The following ABCC10 variants were observed in gnomAD, a reference collection of about 807,000 sequenced individuals.
ABCC10 encodes the protein ATP-binding cassette sub-family C member 10.
A neutral mutation model predicts 143.2 loss-of-function variants in ABCC10; 110 were observed. The ratio of observed to expected loss-of-function variants is 0.77; its 90% confidence interval spans 0.66 to 0.90. The LOEUF is 0.90. ABCC10 is among the 40% of genes least tolerant of loss of function. ABCC10 has a pLI of 0.00. For synonymous variants in ABCC10, 805 were observed against 846.7 expected (o/e 0.95, Z 0.85); for missense variants, 1,700 against 1,900.5 (o/e 0.89, Z 1.96).
intron 3 of ABCC10, among the ~76,000 whole-genome samples, chr6:43,433,888 T>A (rs1339409899): frequency 1.3e-5 from 2 of 152,098 alleles, no homozygotes; most frequent in Admixed American, 6.5e-5. Context: ...ACTCCAGGTG[T>A]TTAGGGTTTG....
At position 43,441,998 on chromosome 6, in the gene ABCC10, G is replaced by T. The variant is rs748921246; in HGVS notation, c.2226+38G>T. 8.8e-6 allele frequency: 14 copies of T among 1,583,156 alleles called. No individual in the cohort carries two copies. The South Asian group carries it at 1.4e-4, about 16-fold the overall frequency. ...TGGAGGTTGCAGTGGCAGGGAGGTG[G>T]GGGGAGTCCAGAGCCTTGGGAACTT... is the stretch of plus-strand genomic sequence containing the variant. On this transcript the variant is annotated intron_variant, in intron 9 of 21. Coordinates refer to ENST00000372530, the MANE Select transcript of ABCC10 (RefSeq NM_001198934.2).
In ABCC10 at chr6:43,443,333, T is replaced by A; in HGVS notation, c.2416+174T>A. The stretch of plus-strand genomic sequence containing the variant: ...GAGAACAGGAGGGAAAAGGAGTACG[T>A]TGGTAAAATGCCAGTGTATTTGGGA... On this transcript the variant is annotated intron_variant, in intron 10 of 21. Coordinates refer to ENST00000372530, the MANE Select transcript of ABCC10 (RefSeq NM_001198934.2). This position sits in a 1 kb window ranked among gnomAD's most constrained non-coding sequence, Gnocchi z 4.2. The A allele has an allele frequency of 1.5e-6, 1 of 659,756 alleles. No homozygotes were observed. The allele number at this position is 659,756 out of a possible 1,614,324, so 40.9% of individuals were successfully genotyped here. A position where few individuals can be genotyped will look rare whatever the true frequency, so the allele number is the denominator to read the frequency against.
At position 43,445,835 on chromosome 6, in the gene ABCC10, A is replaced by T; in HGVS notation, c.3267A>T (p.Ser1089=). The T allele has an allele frequency of 6.2e-7, 1 of 1,614,040 alleles. No homozygotes were observed. Among genetic ancestry groups the T allele is most frequent in the Non-Finnish European group, 8.5e-7 (1 of 1,180,012 alleles). ...YHVQRHYRAS[S]RELRRLGSLT... ...TGCAGCGCCACTACAGGGCCTCCTC[A>T]CGGGAGCTGCGGCGCCTGGGCAGCC... The change falls in exon 15 of 22, where the codon TCA becomes TCT. Residue 1089 remains serine (S), a synonymous_variant. Coordinates refer to ENST00000372530, the MANE Select transcript of ABCC10 (RefSeq NM_001198934.2).
At chr6:43,442,274 G>C (rs1379362631) in intron 9 of ABCC10, among the ~76,000 whole-genome samples, 1 of 152,102 alleles carries the variant, frequency 6.6e-6, no homozygotes, top group Non-Finnish European at 1.5e-5. Flanking sequence ...GCAAAACCCT[G>C]TCTCTACAAA....
In ABCC10 at chr6:43,437,959, A is replaced by G; in HGVS notation, c.1901A>G (p.Lys634Arg). ...KKGMLVGIVGKVGCGKSSLLA... is the reference protein window; with the variant it reads ...KKGMLVGIVGRVGCGKSSLLA... ...GGTATGCTGGTGGGCATCGTGGGGAAGGTCGGCTGTGGGAAGAGCTCCCTG... is the reference window on the plus strand; with the variant it reads ...GGTATGCTGGTGGGCATCGTGGGGAGGGTCGGCTGTGGGAAGAGCTCCCTG... Residue 634 changes from lysine (K) to arginine (R), a missense_variant, in exon 7 of 22, where the codon AAG becomes AGG. Coordinates refer to ENST00000372530, the MANE Select transcript of ABCC10 (RefSeq NM_001198934.2). 1 of 1,613,364 alleles carries G rather than the reference A, an allele frequency of 6.2e-7. No individual in the cohort carries two copies.
intron 6 of ABCC10, among the ~76,000 whole-genome samples, chr6:43,436,890 C>G (rs1781783724): frequency 6.6e-6 from 1 of 152,170 alleles, no homozygotes; most frequent in African/African-American, 2.4e-5. Context: ...CCTCTTAGTT[C>G]AGGCAAGACA....
rs1783207173 is a variant in ABCC10, at chr6:43,447,328, G to A, written c.3625G>A (p.Glu1209Lys). The A allele has an allele frequency of 6.2e-7, 1 of 1,613,518 alleles. No individual in the cohort carries two copies. The highest frequency in any genetic ancestry group is 1.1e-5 in the South Asian group (1 of 91,082). The stretch of plus-strand genomic sequence containing the variant: ...CCTGGTGAGCAGCTTCACACAGACA[G>A]AGGCCATGCTGGTGAGCGTCGAGCG... The part of the protein sequence containing the change: ...SGLVSSFTQT[E>K]AMLVSVERLE... The change falls in exon 17 of 22, where the codon GAG (glutamate) becomes AAG (lysine). Residue 1209 changes from glutamate to lysine, a missense_variant. Physicochemically the swap from Glu to Lys is moderately conservative, Grantham distance 56. Transcript: ENST00000372530.
downstream of ABCC10, chr6:43,451,920 C>G (rs375111558): frequency 6.8e-6 from 11 of 1,613,254 alleles, no homozygotes; most frequent in South Asian, 5.5e-5. The surrounding 1 kb of genome is among the most constrained non-coding windows in gnomAD (Gnocchi z 4.4). Context: ...TTCCACTCAC[C>G]CTGAGGGCCC....
downstream of ABCC10, chr6:43,450,708 G>T (rs774403616): frequency 9.3e-6 from 15 of 1,613,962 alleles, no homozygotes; most frequent in Admixed American, 1.7e-5. The surrounding 1 kb of genome is among the most constrained non-coding windows in gnomAD (Gnocchi z 4.5). Context: ...GGCCCTCAGG[G>T]TCAGCAACAC....
chr6:43,450,059 C>T lies in ABCC10; in HGVS notation c.4447C>T (p.Gln1483Ter), dbSNP rs1783612129. The T allele has an allele frequency of 2.5e-6, 4 of 1,609,446 alleles. No homozygotes were observed. The African/African-American group carries it at 5.3e-5, about 21-fold the overall frequency. ...CCAGCAGCTGCTGCAGAGCAGCCAGCAGGGAGTCCCTGCCTCACTCGGAGG... is the reference window on the plus strand; with the variant it reads ...CCAGCAGCTGCTGCAGAGCAGCCAGTAGGGAGTCCCTGCCTCACTCGGAGG... ...LFQQLLQSSQ[Q>*]GVPASLGGP is the part of the protein sequence containing the mutation. The change falls in exon 22 of 22, where the codon CAG becomes TAG. Residue 1483 changes from glutamine to a stop codon, truncating the protein, a stop_gained. Coordinates refer to ENST00000372530, the MANE Select transcript of ABCC10 (RefSeq NM_001198934.2). LOFTEE classifies it high-confidence loss of function. This position sits in a 1 kb window ranked among gnomAD's most constrained non-coding sequence, Gnocchi z 4.5.
chr6:43,427,595 T>C lies in ABCC10; in HGVS notation c.-174T>C, dbSNP rs1581684008. The C allele has an allele frequency of 3.2e-6, 1 of 312,306 alleles. No homozygotes were observed. The allele number at this position is 312,306 out of a possible 1,614,324, so 19.3% of individuals were successfully genotyped here. A position where few individuals can be genotyped will look rare whatever the true frequency, so the allele number is the denominator to read the frequency against. ...TAGGTCTTCCAACCTCTAGGTGGGGTGCCAGCCGGGGCGGGCCCAGCACCC... is the reference window on the plus strand; with the variant it reads ...TAGGTCTTCCAACCTCTAGGTGGGGCGCCAGCCGGGGCGGGCCCAGCACCC... On this transcript the variant is annotated 5_prime_UTR_variant, in exon 1 of 22. Transcript: ENST00000372530.
Position 43,450,361 on chromosome 6 carries a change from C to T in ABCC10, c.*270C>T, listed in dbSNP as rs1272773060. Reference sequence around the variant, plus strand: ...TGGCATAGGAGCCCACTTGCATTTTCATAGTTTTATTTGATAAAATTCCAT... The same window carrying T: ...TGGCATAGGAGCCCACTTGCATTTTTATAGTTTTATTTGATAAAATTCCAT... On this transcript the variant is annotated 3_prime_UTR_variant, in exon 22 of 22. Coordinates refer to ENST00000372530, the MANE Select transcript of ABCC10 (RefSeq NM_001198934.2). This position sits in a 1 kb window ranked among gnomAD's most constrained non-coding sequence, Gnocchi z 4.5. 21 of 993,956 alleles carry T rather than the reference C, an allele frequency of 2.1e-5. No individual in the cohort carries two copies. The highest frequency in any genetic ancestry group is 4.2e-5 in the South Asian group (2 of 47,290). The allele number at this position is 993,956 out of a possible 1,614,324, so 61.6% of individuals were successfully genotyped here.
chr6:43,446,124 C>T (rs575114288), intron 15 of ABCC10, among the ~76,000 whole-genome samples, 153 bp from the exon 16 acceptor site: 19 of 152,272 alleles, frequency 1.2e-4, no homozygotes, highest in African/African-American at 3.4e-4. Flanking sequence ...TGAAAGAGCA[C>T]ACTGGCATCT....
intron 2 of ABCC10, among the ~76,000 whole-genome samples, chr6:43,429,433 A>C (rs1581693395): frequency 1.1e-5 from 1 of 87,280 alleles, no homozygotes; most frequent in Non-Finnish European, 2.2e-5. Flanking sequence ...GGGGATTGTT[A>C]TTGTTGTTTT....
chr6:43,435,331 G>A (rs763751427), intron 4 of ABCC10, among the ~76,000 whole-genome samples: 3 of 152,136 alleles, frequency 2.0e-5, no homozygotes, highest in Admixed American at 6.5e-5. Flanking sequence ...TCAGGAGTTC[G>A]AGACCAGCCT....
rs142854084 is a variant in ABCC10 at position 43,438,628 on chromosome 6, C to T, written c.1960C>T (p.Arg654Cys). The T allele has an allele frequency of 7.5e-4, 1,211 of 1,613,706 alleles. 3 individuals are homozygous for T. The Middle Eastern group carries it at 9.4e-3, about 13-fold the overall frequency. ...AAIAGELHRL[R>C]GHVAVRGLSK... is the part of the protein sequence containing the mutation. ...TGCTCGCCTGGCTCTCTGCAGGCTG[C>T]GTGGGCATGTGGCAGTGCGGGGGCT... Residue 654 changes from arginine to cysteine, a missense_variant, in exon 8 of 22, where the codon CGT becomes TGT. Arg to Cys is a radical substitution (Grantham distance 180). Transcript: ENST00000372530.
chr6:43,434,913 G>A, intron 4 of ABCC10, 65 bp downstream of exon 4: 1 of 1,530,998 alleles, frequency 6.5e-7, no homozygotes, highest in East Asian at 2.3e-5. Flanking sequence ...ACAGAGGCTT[G>A]GGCCCTCAGT....
At chr6:43,437,064 A>C (rs1210891959) in intron 6 of ABCC10, among the ~76,000 whole-genome samples, 3 of 152,192 alleles carry the variant, frequency 2.0e-5, no homozygotes, top group Admixed American at 2.0e-4. Context: ...TGGATCTTAG[A>C]AACAGCCCAG....
In ABCC10 at chr6:43,433,101, G is replaced by GC; in HGVS notation, c.1124dup (p.Pro376SerfsTer12). ...AAGGCTTTACAGCTGGGGCCCAGCC[G>GC]CCCTCCTACTGGGGAGGCCCTGAAC... is the stretch of plus-strand genomic sequence containing the variant. On this transcript the variant is annotated frameshift_variant, in exon 3 of 22. Coordinates refer to ENST00000372530, the MANE Select transcript of ABCC10 (RefSeq NM_001198934.2). LOFTEE classifies it high-confidence loss of function. 1 of 1,614,110 alleles carries GC rather than the reference G, an allele frequency of 6.2e-7. No homozygotes were observed. The highest frequency in any genetic ancestry group is 8.5e-7 in the Non-Finnish European group (1 of 1,179,984).
Sources: gnomAD v4.1 joint callset for allele counts (sites outside exome capture counted in the v4.1 genomes callset) on GRCh38, gnomAD v4.1.1 for gene constraint, Gnocchi (gnomAD v3.1) non-coding constraint, MANE v1.5 for transcripts, NCBI Gene and HGNC (gene_info 2026-07-23, HGNC 2026-07-21) for gene names.